Variants in CYFIP2 observed in about 807,000 individuals in gnomAD.
The protein encoded by CYFIP2 is cytoplasmic FMR1 interacting protein 2.
A neutral mutation model predicts 158.7 loss-of-function variants in CYFIP2; 29 were observed. The ratio of observed to expected loss-of-function variants is 0.18; its 90% confidence interval spans 0.14 to 0.25. The LOEUF (loss-of-function observed/expected upper bound fraction) is 0.25. CYFIP2 is among the 10% of genes least tolerant of loss of function. The pLI, the probability that CYFIP2 is intolerant of heterozygous loss-of-function variation, is 1.00. For missense variants in CYFIP2, 852 were observed against 1,639.5 expected (o/e 0.52, Z 8.29); for synonymous variants, 585 against 617.6 (o/e 0.95, Z 0.78).
intron 7 of CYFIP2, 88 bp from the exon 8 acceptor site, chr5:157,304,150 A>G: frequency 1.3e-6 from 2 of 1,481,782 alleles, no homozygotes; most frequent in East Asian, 2.5e-5. Context: ...CGGGGACCAC[A>G]CCGGCCAGCT....
intron 4 of CYFIP2, 187 bp from the exon 5 acceptor site, chr5:157,296,486 T>A (rs1561700587): frequency 1.7e-6 from 1 of 596,672 alleles, no homozygotes; most frequent in East Asian, 3.6e-5. Context: ...CCCACCTACT[T>A]GGCAGGCTGA....
At chr5:157,374,593 T>G (rs1581174208) in intron 26 of CYFIP2, among the ~76,000 whole-genome samples, 1 of 152,172 alleles carries the variant, frequency 6.6e-6, no homozygotes, top group East Asian at 1.9e-4. Context: ...GGTGCTGGCA[T>G]TTGTCTTGCT....
At chr5:157,285,613 G>A in intron 2 of CYFIP2, 135 bp downstream of exon 2, 3 of 722,298 alleles carry the variant, frequency 4.2e-6, no homozygotes, top group South Asian at 1.9e-5. Context: ...AGTCCCTTGT[G>A]CGCTGGTAGA....
Position 157,272,561 on chromosome 5 carries a change from A to T in CYFIP2, c.-24+6366A>T, listed in dbSNP as rs145749540. Among the ~76,000 whole-genome samples, 1,172 of 152,266 alleles carry T rather than the reference A, an allele frequency of 7.7e-3. 77 individuals carry two copies. Among genetic ancestry groups the T allele is most frequent in the Admixed American group, 0.066 (1,015 of 15,290 alleles). ...TGTTTCTTCTAGTAGCTGCCTCCAGATCTCTAAATGATATGCTTACACTGC... is the reference window on the plus strand; with the variant it reads ...TGTTTCTTCTAGTAGCTGCCTCCAGTTCTCTAAATGATATGCTTACACTGC... On this transcript the variant is annotated intron_variant, in intron 1 of 30. Coordinates refer to ENST00000620254, the MANE Select transcript of CYFIP2 (RefSeq NM_001037333.3).
intron 23 of CYFIP2, chr5:157,341,488 G>A (rs1762254096): frequency 3.3e-6 from 1 of 307,402 alleles, no homozygotes; most frequent in Admixed American, 4.6e-5. Flanking sequence ...GGAGTGTTAT[G>A]CTGCAGTGAG....
chr5:157,368,886 GGTTTTTT>G (rs1351894829), intron 26 of CYFIP2, among the ~76,000 whole-genome samples: 1 of 117,330 alleles, frequency 8.5e-6, no homozygotes, highest in Non-Finnish European at 1.9e-5. Context: ...TGATCCCAGA[GGTTTTTT>G]GTTTTTTTGT....
At chr5:157,310,262 C>T (rs1013906773) in intron 10 of CYFIP2, among the ~76,000 whole-genome samples, 4 of 152,178 alleles carry the variant, frequency 2.6e-5, no homozygotes, top group Admixed American at 2.0e-4. Flanking sequence ...CACCTTCGGC[C>T]GCTTTATAAA....
intron 19 of CYFIP2, 56 bp downstream of exon 19, chr5:157,328,105 C>A: frequency 6.5e-7 from 1 of 1,528,626 alleles, no homozygotes; most frequent in Non-Finnish European, 9.0e-7. Flanking sequence ...ACCTAGAAGA[C>A]ATGATTTTCT....
chr5:157,337,794 C>T (rs1040297135), intron 21 of CYFIP2, among the ~76,000 whole-genome samples: 9 of 152,262 alleles, frequency 5.9e-5, no homozygotes, highest in African/African-American at 2.2e-4. Context: ...TTCTTTTAGC[C>T]TTTATGCTGT....
At chr5:157,289,652 T>A (rs573449697) in intron 3 of CYFIP2, among the ~76,000 whole-genome samples, 32 of 152,272 alleles carry the variant, frequency 2.1e-4, no homozygotes, top group African/African-American at 7.2e-4. Context: ...TCAGATTAGA[T>A]CAGGGCCCTC....
At chr5:157,278,731 A>G (rs541114276) in intron 1 of CYFIP2, among the ~76,000 whole-genome samples, 14 of 152,288 alleles carry the variant, frequency 9.2e-5, no homozygotes, top group East Asian at 5.8e-4. Context: ...CATCCTCTCT[A>G]TTGAAAACAG....
intron 28 of CYFIP2, among the ~76,000 whole-genome samples, chr5:157,386,107 C>T (rs1039565171): frequency 6.6e-6 from 1 of 152,094 alleles, no homozygotes; most frequent in African/African-American, 2.4e-5. Flanking sequence ...TTAACACACA[C>T]GGAAAAGTAT....
intron 3 of CYFIP2, among the ~76,000 whole-genome samples, chr5:157,294,269 A>C (rs1042078466): frequency 2.0e-5 from 3 of 152,216 alleles, no homozygotes; most frequent in Non-Finnish European, 4.4e-5. Context: ...AATTCCTCCC[A>C]AAGTTAGCCT....
chr5:157,357,778 G>A (rs1230830920), intron 23 of CYFIP2, among the ~76,000 whole-genome samples: 1 of 151,892 alleles, frequency 6.6e-6, no homozygotes, highest in African/African-American at 2.4e-5. Flanking sequence ...GCAGTGAACC[G>A]AGATCGCACC....
intron 13 of CYFIP2, among the ~76,000 whole-genome samples, chr5:157,316,682 G>T (rs1016367707): frequency 2.6e-5 from 4 of 152,190 alleles, no homozygotes; most frequent in Admixed American, 1.3e-4. Context: ...GGTCACTTCA[G>T]CTCTCAGAGC....
intron 15 of CYFIP2, among the ~76,000 whole-genome samples, chr5:157,321,555 G>A (rs1760595180): frequency 6.6e-6 from 1 of 152,230 alleles, no homozygotes. Context: ...CTTAAGGATA[G>A]GTAGTTTCTG....
intron 19 of CYFIP2, among the ~76,000 whole-genome samples, chr5:157,329,578 CA>C (rs1380805049): frequency 1.3e-5 from 2 of 152,116 alleles, no homozygotes; most frequent in Non-Finnish European, 2.9e-5. Flanking sequence ...AATTTTTTAG[CA>C]GACATATTTT....
intron 13 of CYFIP2, among the ~76,000 whole-genome samples, 191 bp from the exon 14 acceptor site, chr5:157,319,571 G>T (rs375348436): frequency 6.6e-6 from 1 of 152,276 alleles, no homozygotes; most frequent in African/African-American, 2.4e-5. Flanking sequence ...CTCAATGAAT[G>T]AAGCCAAGTG....
rs373717663 is a variant in CYFIP2, at chr5:157,384,527, C to T, written c.3207+1168C>T. 13 of 456,004 alleles carry T rather than the reference C, an allele frequency of 2.9e-5. 1 individual carries two copies. The highest frequency in any genetic ancestry group is 2.1e-4 in the Admixed American group (9 of 42,568). The allele number at this position is 456,004 out of a possible 1,614,324, so 28.2% of individuals were successfully genotyped here. On this transcript the variant is annotated intron_variant, in intron 28 of 30. Transcript: ENST00000620254. ...GAAGGTGGCCTCTCTTCTGGCAAAA[C>T]ATGGTAAGTATTTTTGGAGCACGAT...
Sources: gnomAD v4.1 joint callset for allele counts (sites outside exome capture counted in the v4.1 genomes callset) on GRCh38, gnomAD v4.1.1 for gene constraint, MANE v1.5 for transcripts, NCBI Gene and HGNC (gene_info 2026-07-23, HGNC 2026-07-21) for gene names.